NPIPB2: variants seen among roughly 807,000 people sequenced by gnomAD.
NPIPB2 encodes nuclear pore complex interacting protein family member B2.
A neutral mutation model predicts 30.8 loss-of-function variants in NPIPB2; 27 were observed. That is an observed-to-expected ratio of 0.88 (90% CI 0.65 to 1.21). The LOEUF is 1.21. Ranked by LOEUF, NPIPB2 falls within the 50% of genes most tolerant of loss-of-function variation. NPIPB2 has a pLI of 0.00. For missense variants in NPIPB2, 440 were observed against 446.2 expected, an observed-to-expected ratio of 0.99 and a Z score of 0.13; for synonymous variants, 147 against 162.0, an observed-to-expected ratio of 0.91 and a Z score of 0.70.
chr16:11,964,433 A>C (rs565757193), intron 1 of NPIPB2, among the ~76,000 whole-genome samples: 1 of 146,072 alleles, frequency 6.8e-6, no homozygotes, highest in Admixed American at 6.8e-5. Flanking sequence ...TTTTTTTTTG[A>C]GATAGAGTCT....
chr16:11,966,236 ACCTG>A, intron 1 of NPIPB2: 2 of 1,613,842 alleles, frequency 1.2e-6, no homozygotes, highest in Non-Finnish European at 1.7e-6. Flanking sequence ...GATTCTCTGG[ACCTG>A]TTTGGGACTG....
At chr16:11,933,255 GA>G (rs1337413488) in intron 4 of NPIPB2, among the ~76,000 whole-genome samples, 290 of 137,172 alleles carry the variant, frequency 2.1e-3, no homozygotes, top group Middle Eastern at 3.6e-3. Flanking sequence ...TCCATCTCAG[GA>G]AAAAAAAAAA....
chr16:11,967,532 T>C lies in NPIPB2; in HGVS notation c.-584+9036A>G, dbSNP rs770925511. ...AAGACTCTCATGACCACATTCTCTG[T>C]GAAGTTTGGGTTAATGTTTCCGTTT... On this transcript the variant is annotated intron_variant, in intron 1 of 5. Coordinates refer to the NPIPB2 transcript ENST00000538896. 1.9e-5 allele frequency: 30 copies of C among 1,588,676 alleles called. No homozygotes were observed. In the East Asian group the frequency reaches 4.5e-4, roughly 24 times the overall value.
chr16:11,955,976 C>T (rs571854358), intron 1 of NPIPB2, among the ~76,000 whole-genome samples: 4 of 151,894 alleles, frequency 2.6e-5, no homozygotes, highest in South Asian at 2.1e-4. Flanking sequence ...GCAGAGTTCC[C>T]GAAGACCCAA....
chr16:11,957,629 C>T (rs1226498865), intron 1 of NPIPB2, among the ~76,000 whole-genome samples: 1 of 152,134 alleles, frequency 6.6e-6, no homozygotes, highest in African/African-American at 2.4e-5. Flanking sequence ...GGACACTGCC[C>T]TTCATAATGT....
intron 1 of NPIPB2, among the ~76,000 whole-genome samples, chr16:11,938,761 T>A (rs1439900410): frequency 3.3e-5 from 5 of 152,126 alleles, no homozygotes; most frequent in Non-Finnish European, 7.4e-5. Context: ...TTTTCTTTTT[T>A]GTTTTGAGAC....
At chr16:11,943,244 G>A (rs1364065838), upstream of NPIPB2, among the ~76,000 whole-genome samples, 4 of 152,148 alleles carry the variant, frequency 2.6e-5, no homozygotes, top group Admixed American at 6.5e-5. Flanking sequence ...GTTTGAACCC[G>A]GGAGGCAGAG....
exon 8 of NPIPB2, chr16:11,927,623 G>A: frequency 6.2e-7 from 1 of 1,606,380 alleles, no homozygotes; most frequent in South Asian, 1.1e-5. Flanking sequence ...ATCATCCGCT[G>A]AGGGTGGAGC....
intron 1 of NPIPB2, among the ~76,000 whole-genome samples, chr16:11,959,617 A>G (rs434806): frequency 0.99 from 150,035 of 152,198 alleles, 73,992 homozygotes; most frequent in East Asian, 1. Flanking sequence ...TTAAAAAAAA[A>G]TATTCAAACA....
upstream of NPIPB2, among the ~76,000 whole-genome samples, chr16:11,946,428 G>A (rs999978763): frequency 8.1e-5 from 12 of 148,894 alleles, no homozygotes; most frequent in Non-Finnish European, 1.6e-4. Flanking sequence ...TTAGCCAGGC[G>A]CAGTGGTGTG....
At position 11,936,316 on chromosome 16, in the gene NPIPB2, G is replaced by GA. The variant is rs1330082660; in HGVS notation, c.192+1223dup. On this transcript the variant is annotated intron_variant, in intron 2 of 7. Transcript: ENST00000399147. Reference sequence around the variant, plus strand: ...GAGACTCGTCTTGAGGGTGAGAAAAGAAAAAAAAAAGAAAAAAGCTTCCTC... The same window carrying GA: ...GAGACTCGTCTTGAGGGTGAGAAAAGAAAAAAAAAAAGAAAAAAGCTTCCTC... Among the ~76,000 whole-genome samples the GA allele has an allele frequency of 3.3e-4, 48 of 147,608 alleles. No individual in the cohort carries two copies. In the East Asian group the frequency reaches 3.6e-3, roughly 11 times the overall value.
chr16:11,951,134 C>G (rs1198372185), intron 1 of NPIPB2, among the ~76,000 whole-genome samples: 1 of 151,928 alleles, frequency 6.6e-6, no homozygotes, highest in East Asian at 1.9e-4. Context: ...AAAAAAAATT[C>G]TTTTAAGAAA....
intron 1 of NPIPB2, among the ~76,000 whole-genome samples, chr16:11,962,309 C>T (rs1020242193): frequency 6.6e-6 from 1 of 150,958 alleles, no homozygotes; most frequent in Non-Finnish European, 1.5e-5. Flanking sequence ...GACCATTCTG[C>T]CCAACATGGT....
exon 4 of NPIPB2, chr16:11,933,555 A>C: frequency 6.3e-7 from 1 of 1,597,076 alleles, no homozygotes; most frequent in Non-Finnish European, 8.5e-7. Context: ...TGATTTTGTC[A>C]TGATGGTTGA....
chr16:11,927,381 G>C (rs1443359982), exon 8 of NPIPB2: 2 of 895,440 alleles, frequency 2.2e-6, no homozygotes, highest in African/African-American at 1.6e-5. Flanking sequence ...GCTCAGGCTT[G>C]AGTGCAATGG....
intron 1 of NPIPB2, among the ~76,000 whole-genome samples, chr16:11,971,458 T>TGGGGGGGGGGGGGGGGGGGGGGGGGG (rs1567481249): frequency 1.1e-5 from 1 of 86,988 alleles, no homozygotes; most frequent in Admixed American, 1.5e-4. Flanking sequence ...GGTGGGGGGG[T>TGGGGGGGGGGGGGGGGGGGGGGGGGG]GGGTGGTTCC....
At chr16:11,927,420 T>A in exon 8 of NPIPB2, 1 of 1,131,334 alleles carries the variant, frequency 8.8e-7, no homozygotes, top group Non-Finnish European at 1.3e-6. Flanking sequence ...AACCTCCGCC[T>A]CTTGGGCTCG....
chr16:11,967,026 A>G, intron 1 of NPIPB2: 1 of 195,888 alleles, frequency 5.1e-6, no homozygotes, highest in Non-Finnish European at 1.0e-5. Flanking sequence ...TTAGAGATGG[A>G]GTCTCGCTCT....
intron 1 of NPIPB2, among the ~76,000 whole-genome samples, chr16:11,975,811 G>A (rs1345267153): frequency 2.0e-5 from 3 of 151,846 alleles, no homozygotes; most frequent in African/African-American, 7.3e-5. Flanking sequence ...GGCTGGAATC[G>A]AACTTCTGAC....
Sources: allele counts gnomAD v4.1 joint callset (sites outside exome capture counted in the v4.1 genomes callset), GRCh38; gene constraint gnomAD v4.1.1; transcripts MANE v1.5; gene names NCBI Gene and HGNC (gene_info 2026-07-23, HGNC 2026-07-21).